ARHGEF38: variants seen among roughly 807,000 people sequenced by gnomAD.
ARHGEF38 encodes Rho guanine nucleotide exchange factor 38.
Under a neutral mutation model 79.9 loss-of-function variants are expected in ARHGEF38, and 79 were observed. The ratio of observed to expected loss-of-function variants is 0.99; its 90% CI spans 0.82 to 1.19. The LOEUF is 1.19. Among genes scored for constraint, ARHGEF38 ranks in the 50% most tolerant of loss-of-function variants. The probability of loss-of-function intolerance (pLI) is 0.00; values close to 1 mark genes in which losing one functional copy is unlikely to be tolerated. For missense variants in ARHGEF38, 962 were observed against 907.2 expected, an observed-to-expected ratio of 1.06 and a Z score of -0.78; for synonymous variants, 366 against 328.3, an observed-to-expected ratio of 1.11 and a Z score of -1.24.
At chr4:105,629,703 T>C (rs1247538293) in intron 3 of ARHGEF38, among the ~76,000 whole-genome samples, 1 of 151,974 alleles carries the variant, frequency 6.6e-6, no homozygotes, top group East Asian at 1.9e-4. Flanking sequence ...CTTTAAGTAA[T>C]GAAGTGTGGA....
intron 4 of ARHGEF38, among the ~76,000 whole-genome samples, chr4:105,634,334 C>G (rs1230697222): frequency 2.0e-5 from 3 of 152,086 alleles, no homozygotes; most frequent in African/African-American, 4.8e-5. Context: ...CTAAGGCTCT[C>G]CAAAAGCAAA....
intron 2 of ARHGEF38, among the ~76,000 whole-genome samples, chr4:105,596,967 G>A (rs1267288435): frequency 6.6e-6 from 1 of 152,162 alleles, no homozygotes; most frequent in Non-Finnish European, 1.5e-5. Flanking sequence ...TAGTGTCACT[G>A]CCTAGATGCA....
chr4:105,552,997 A>C (rs780238508), intron 1 of ARHGEF38, 36 bp downstream of exon 1: 2 of 1,518,876 alleles, frequency 1.3e-6, no homozygotes, highest in African/African-American at 2.8e-5. Flanking sequence ...CAGTTACTGC[A>C]CTCCCAGCTC....
chr4:105,586,974 C>T (rs1430770739), intron 1 of ARHGEF38, among the ~76,000 whole-genome samples: 1 of 131,756 alleles, frequency 7.6e-6, no homozygotes, highest in Non-Finnish European at 1.6e-5. Context: ...CTTGAATATA[C>T]ACATTTTTAA....
intron 5 of ARHGEF38, among the ~76,000 whole-genome samples, chr4:105,641,600 T>A (rs1729619320): frequency 6.6e-6 from 1 of 152,104 alleles, no homozygotes; most frequent in Non-Finnish European, 1.5e-5. Context: ...AAATTTAGGA[T>A]GCTTGTGATC....
intron 4 of ARHGEF38, 31 bp from the exon 5 acceptor site, chr4:105,636,372 A>G (rs1016170706): frequency 4.9e-6 from 2 of 410,418 alleles, no homozygotes; most frequent in African/African-American, 4.2e-5. Flanking sequence ...ACAGATTTAC[A>G]TGAATTTACT....
intron 3 of ARHGEF38, among the ~76,000 whole-genome samples, chr4:105,619,221 G>A (rs1728637031): frequency 2.0e-5 from 3 of 151,774 alleles, no homozygotes; most frequent in South Asian, 2.1e-4. Flanking sequence ...TCAATGAAAT[G>A]AGGCAAAATG....
intron 1 of ARHGEF38, among the ~76,000 whole-genome samples, chr4:105,554,662 T>C (rs1725170786): frequency 6.6e-6 from 1 of 152,168 alleles, no homozygotes; most frequent in Admixed American, 6.6e-5. Context: ...AGCAAATTAC[T>C]TGAAATATCT....
rs984732393 is a variant in ARHGEF38, at chr4:105,609,495, T to C, written c.385-3889T>C. ...TGGAAAGATATCTGGTGTTAATGGATTGGAAGAATTAATACTGTTAAAATA... is the reference window on the plus strand; with the variant it reads ...TGGAAAGATATCTGGTGTTAATGGACTGGAAGAATTAATACTGTTAAAATA... On this transcript the variant is annotated intron_variant, in intron 2 of 13. Coordinates refer to ENST00000420470, the MANE Select transcript of ARHGEF38 (RefSeq NM_001242729.2). Among the ~76,000 whole-genome samples the C allele has an allele frequency of 2.0e-5, 3 of 152,068 alleles. 1 individual carries two copies. Among genetic ancestry groups the C allele is most frequent in the South Asian group, 4.1e-4 (2 of 4,832 alleles).
chr4:105,636,661 T>C (rs2110526071), intron 5 of ARHGEF38, among the ~76,000 whole-genome samples: 1 of 152,186 alleles, frequency 6.6e-6, no homozygotes, highest in African/African-American at 2.4e-5. Context: ...AGTTTGCTGA[T>C]GCCAGAAAGT....
intron 3 of ARHGEF38, among the ~76,000 whole-genome samples, chr4:105,622,274 A>G (rs1185227749): frequency 6.6e-6 from 1 of 152,080 alleles, no homozygotes; most frequent in Non-Finnish European, 1.5e-5. Context: ...ATTTGAATGG[A>G]CCTGCGAAAA....
In ARHGEF38 at chr4:105,589,272, G is replaced by T. The variant is rs77566495; in HGVS notation, c.221G>T (p.Cys74Phe). ...GAAAAGATGACTCCACAGGGTGAGTGTTCTGTAGCTGAGACCTTAACCCCA... is the reference window on the plus strand; with the variant it reads ...GAAAAGATGACTCCACAGGGTGAGTTTTCTGTAGCTGAGACCTTAACCCCA... ...LQEKMTPQGE[C>F]SVAETLTPEE... Residue 74 changes from cysteine to phenylalanine, a missense_variant, in exon 2 of 14, where the codon TGT (cysteine) becomes TTT (phenylalanine). Coordinates refer to ENST00000420470, the MANE Select transcript of ARHGEF38 (RefSeq NM_001242729.2). 9.3e-6 allele frequency: 15 copies of T among 1,613,804 alleles called. No homozygotes were observed. The South Asian group carries it at 1.6e-4, about 18-fold the overall frequency.
At chr4:105,677,056 C>T (rs892981938) in intron 13 of ARHGEF38, among the ~76,000 whole-genome samples, 2 of 151,910 alleles carry the variant, frequency 1.3e-5, no homozygotes, top group Non-Finnish European at 2.9e-5. Context: ...CACCGCCTCC[C>T]GGGTTCAAGC....
chr4:105,568,530 T>C (rs1726053942), intron 1 of ARHGEF38, among the ~76,000 whole-genome samples: 1 of 152,236 alleles, frequency 6.6e-6, no homozygotes, highest in Non-Finnish European at 1.5e-5. Context: ...GCTATAAAGA[T>C]ATAAAGTTTT....
chr4:105,671,735 T>C (rs1186430270), intron 13 of ARHGEF38, among the ~76,000 whole-genome samples: 1 of 152,236 alleles, frequency 6.6e-6, no homozygotes, highest in Non-Finnish European at 1.5e-5. Flanking sequence ...ATTTCACATT[T>C]GCGGTATCCT....
At chr4:105,598,232 G>A (rs992545543) in intron 2 of ARHGEF38, among the ~76,000 whole-genome samples, 5 of 152,042 alleles carry the variant, frequency 3.3e-5, no homozygotes, top group East Asian at 1.9e-4. Flanking sequence ...TCTCCTATTC[G>A]ATCCAGCCCC....
At chr4:105,622,963 G>A (rs1186205900) in intron 3 of ARHGEF38, among the ~76,000 whole-genome samples, 1 of 152,148 alleles carries the variant, frequency 6.6e-6, no homozygotes, top group Non-Finnish European at 1.5e-5. Context: ...TTTTAACTGG[G>A]TGTGTTACCA....
chr4:105,615,512 C>G (rs959055167), intron 3 of ARHGEF38, among the ~76,000 whole-genome samples: 1 of 152,092 alleles, frequency 6.6e-6, no homozygotes, highest in Non-Finnish European at 1.5e-5. Flanking sequence ...GTGCTGAAGT[C>G]AAAAACAATT....
intron 1 of ARHGEF38, among the ~76,000 whole-genome samples, chr4:105,581,837 G>T (rs1011232779): frequency 6.6e-6 from 1 of 151,782 alleles, no homozygotes; most frequent in South Asian, 2.1e-4. Flanking sequence ...TCATGGTATC[G>T]TGTTTCCGTG....
Sources: gnomAD v4.1 joint callset for allele counts (sites outside exome capture counted in the v4.1 genomes callset) on GRCh38, gnomAD v4.1.1 for gene constraint, MANE v1.5 for transcripts, NCBI Gene and HGNC (gene_info 2026-07-23, HGNC 2026-07-21) for gene names.